Variants in NEGR1 observed in about 807,000 individuals in gnomAD.
NEGR1 encodes neuronal growth regulator 1.
In NEGR1, 10 loss-of-function variants were observed where a neutral mutation model predicts 40.9. That is an observed-to-expected ratio of 0.24 (90% CI 0.15 to 0.42). The LOEUF is 0.42. NEGR1 is among the 10% of genes least tolerant of loss of function. The probability of loss-of-function intolerance (pLI) is 1.00; values close to 1 mark genes in which losing one functional copy is unlikely to be tolerated. For missense variants in NEGR1, 352 were observed against 438.9 expected (o/e 0.80, Z 1.77); for synonymous variants, 185 against 166.8 (o/e 1.11, Z -0.84).
chr1:71,993,521 G>A (rs1323154488), intron 1 of NEGR1, among the ~76,000 whole-genome samples: 2 of 152,060 alleles, frequency 1.3e-5, no homozygotes, highest in African/African-American at 4.8e-5. Context: ...TCTCTGAAAA[G>A]GGAAACATTA....
intron 5 of NEGR1, among the ~76,000 whole-genome samples, chr1:71,605,750 TTAAA>T (rs1650056253): frequency 6.6e-6 from 1 of 152,218 alleles, no homozygotes; most frequent in Admixed American, 6.5e-5. Flanking sequence ...TTCCCAAGGC[TTAAA>T]TAAATACATA....
intron 1 of NEGR1, among the ~76,000 whole-genome samples, chr1:72,078,101 A>G (rs972374280): frequency 5.3e-5 from 8 of 152,326 alleles, no homozygotes; most frequent in African/African-American, 1.4e-4. Flanking sequence ...ATTGTTGTCC[A>G]TTAGTCAGTC....
At chr1:71,635,565 T>G (rs930189374) in intron 4 of NEGR1, among the ~76,000 whole-genome samples, 2 of 152,002 alleles carry the variant, frequency 1.3e-5, no homozygotes, top group Non-Finnish European at 2.9e-5. Context: ...AAGATGGAGA[T>G]GTTAAAAATT....
At chr1:72,235,672 G>T (rs146304634) in intron 1 of NEGR1, among the ~76,000 whole-genome samples, 148 of 151,982 alleles carry the variant, frequency 9.7e-4, no homozygotes, top group African/African-American at 3.3e-3. Flanking sequence ...AGAACAATGG[G>T]AAAAGTGAAA....
chr1:71,737,320 C>T (rs899193853), intron 3 of NEGR1, among the ~76,000 whole-genome samples: 1 of 151,758 alleles, frequency 6.6e-6, no homozygotes, highest in African/African-American at 2.4e-5. Context: ...ATTCAAACAC[C>T]CGTTGGACAG....
At chr1:71,617,982 C>T (rs1650497734) in intron 4 of NEGR1, among the ~76,000 whole-genome samples, 1 of 152,172 alleles carries the variant, frequency 6.6e-6, no homozygotes, top group Admixed American at 6.5e-5. Context: ...TCAACCTGCT[C>T]AATGGACTCA....
chr1:71,560,392 T>C (rs1407063068), intron 6 of NEGR1, among the ~76,000 whole-genome samples: 1 of 142,138 alleles, frequency 7.0e-6, no homozygotes, highest in Non-Finnish European at 1.5e-5. Flanking sequence ...CCATTATGTA[T>C]GACCTTAATA....
At chr1:71,796,197 A>G (rs570095567) in intron 2 of NEGR1, among the ~76,000 whole-genome samples, 5 of 152,114 alleles carry the variant, frequency 3.3e-5, no homozygotes, top group Admixed American at 6.6e-5. Context: ...AAGCATACAG[A>G]AGCCCTCTGT....
chr1:72,005,727 T>C (rs2100390791), intron 1 of NEGR1, among the ~76,000 whole-genome samples: 1 of 152,268 alleles, frequency 6.6e-6, no homozygotes, highest in African/African-American at 2.4e-5. Context: ...TGTAAAATTT[T>C]CCTAGTGTCT....
intron 4 of NEGR1, among the ~76,000 whole-genome samples, chr1:71,697,370 C>T (rs1461270824): frequency 6.6e-6 from 1 of 151,682 alleles, no homozygotes; most frequent in Non-Finnish European, 1.5e-5. Context: ...CTGTTGAAAT[C>T]ATAAGATATA....
At chr1:71,531,046 C>A (rs1041494582) in intron 6 of NEGR1, among the ~76,000 whole-genome samples, 4 of 151,148 alleles carry the variant, frequency 2.6e-5, no homozygotes, top group Non-Finnish European at 5.9e-5. Context: ...GTACACCCAC[C>A]CCATTTTACA....
At chr1:72,221,403 A>T (rs191696609) in intron 1 of NEGR1, among the ~76,000 whole-genome samples, 2 of 152,276 alleles carry the variant, frequency 1.3e-5, no homozygotes, top group African/African-American at 4.8e-5. Context: ...GTATTTATCT[A>T]AATCTCGGAT....
At chr1:72,092,275 C>T (rs547090714) in intron 1 of NEGR1, among the ~76,000 whole-genome samples, 1 of 152,218 alleles carries the variant, frequency 6.6e-6, no homozygotes, top group East Asian at 1.9e-4. Context: ...GCACCTGCTA[C>T]AATCCTTGGC....
intron 2 of NEGR1, among the ~76,000 whole-genome samples, chr1:71,870,054 A>T (rs1660232627): frequency 6.6e-6 from 1 of 151,766 alleles, no homozygotes; most frequent in Non-Finnish European, 1.5e-5. Context: ...TAATTTTTGT[A>T]TTTTTAGTAG....
intron 1 of NEGR1, among the ~76,000 whole-genome samples, chr1:71,948,427 CTT>C (rs1429412282): frequency 1.3e-5 from 2 of 151,154 alleles, no homozygotes; most frequent in East Asian, 1.9e-4. Context: ...ATGATCAACT[CTT>C]TGTTATTGTT....
chr1:71,465,298 C>G (rs12725811), intron 6 of NEGR1, among the ~76,000 whole-genome samples: 6,136 of 152,158 alleles, frequency 0.04, 181 homozygotes, highest in Non-Finnish European at 0.064. Flanking sequence ...ATGACAGTCT[C>G]TGCCTTGATG....
chr1:71,806,056 C>T (rs1409116259), intron 2 of NEGR1, among the ~76,000 whole-genome samples: 1 of 152,074 alleles, frequency 6.6e-6, no homozygotes, highest in African/African-American at 2.4e-5. Context: ...ACTCAAGAAT[C>T]TGAATATTGC....
chr1:72,240,630 T>C (rs1040705631), intron 1 of NEGR1, among the ~76,000 whole-genome samples: 1 of 151,808 alleles, frequency 6.6e-6, no homozygotes, highest in African/African-American at 2.4e-5. Context: ...ACTGGACCAG[T>C]CAAGAGCAAT....
At chr1:71,813,804 T>A (rs1329697759) in intron 2 of NEGR1, among the ~76,000 whole-genome samples, 1 of 152,052 alleles carries the variant, frequency 6.6e-6, no homozygotes, top group Non-Finnish European at 1.5e-5. Flanking sequence ...ATTTGCTGAA[T>A]TTGCTTATCA....
Sources: gnomAD v4.1 joint callset for allele counts (sites outside exome capture counted in the v4.1 genomes callset) on GRCh38, gnomAD v4.1.1 for gene constraint, MANE v1.5 for transcripts, NCBI Gene and HGNC (gene_info 2026-07-23, HGNC 2026-07-21) for gene names.